LUZP2: variants seen among roughly 807,000 people sequenced by gnomAD.
LUZP2 encodes leucine zipper protein 2.
In LUZP2, 52 loss-of-function variants were observed where a neutral mutation model predicts 51.6. The ratio of observed to expected loss-of-function variants is 1.01; its 90% CI spans 0.81 to 1.27. The LOEUF (loss-of-function observed/expected upper bound fraction) is 1.27. Ranked by LOEUF, LUZP2 falls within the 50% of genes most tolerant of loss-of-function variation. The pLI is 0.00. For synonymous variants in LUZP2, 154 were observed against 137.3 expected (o/e 1.12, Z -0.85); for missense variants, 436 against 395.4 (o/e 1.10, Z -0.87).
intron 5 of LUZP2, among the ~76,000 whole-genome samples, chr11:24,854,815 T>C (rs1173392775): frequency 6.6e-6 from 1 of 152,016 alleles, no homozygotes; most frequent in Non-Finnish European, 1.5e-5. Context: ...GGGAAAAACA[T>C]AATATCTGGG....
chr11:24,899,654 T>C (rs1853213411), intron 5 of LUZP2, among the ~76,000 whole-genome samples: 1 of 152,100 alleles, frequency 6.6e-6, no homozygotes, highest in South Asian at 2.1e-4. Context: ...TTAGCGTGTC[T>C]CACATCAGAT....
intron 2 of LUZP2, among the ~76,000 whole-genome samples, chr11:24,729,838 T>A (rs12282365): frequency 0.017 from 2,592 of 152,066 alleles, 68 homozygotes; most frequent in African/African-American, 0.059. Context: ...ATATCCTGTA[T>A]GCTAAAAGCT....
intron 1 of LUZP2, among the ~76,000 whole-genome samples, chr11:24,501,826 G>T (rs1388599767): frequency 6.6e-6 from 1 of 152,110 alleles, no homozygotes; most frequent in Non-Finnish European, 1.5e-5. Context: ...ACAAAATTGG[G>T]TAAATAACAA....
intron 5 of LUZP2, among the ~76,000 whole-genome samples, chr11:24,890,538 T>C (rs1359203398): frequency 6.6e-6 from 1 of 152,188 alleles, no homozygotes; most frequent in African/African-American, 2.4e-5. Flanking sequence ...GCTTGATTTA[T>C]GAATAAGAAT....
chr11:24,677,240 A>C (rs1856588821), intron 1 of LUZP2, among the ~76,000 whole-genome samples: 1 of 152,176 alleles, frequency 6.6e-6, no homozygotes, highest in Admixed American at 6.5e-5. Context: ...TTCACTTATA[A>C]TCCATCAAAA....
At chr11:25,056,824 G>T (rs1858696761) in intron 10 of LUZP2, among the ~76,000 whole-genome samples, 1 of 152,114 alleles carries the variant, frequency 6.6e-6, no homozygotes, top group African/African-American at 2.4e-5. Context: ...GAAATTGCCG[G>T]GCGCCGTGGC....
intron 10 of LUZP2, among the ~76,000 whole-genome samples, chr11:25,070,605 T>G (rs570168094): frequency 6.6e-6 from 1 of 152,148 alleles, no homozygotes; most frequent in East Asian, 1.9e-4. Flanking sequence ...TCCTGCCTGT[T>G]AAAATATCCC....
At chr11:24,730,879 C>G (rs1391649069) in intron 2 of LUZP2, among the ~76,000 whole-genome samples, 3 of 151,682 alleles carry the variant, frequency 2.0e-5, no homozygotes, top group Middle Eastern at 6.3e-3. Flanking sequence ...CTTAAAATGC[C>G]TTTTGCTTAT....
chr11:24,653,200 T>G (rs773726263), intron 1 of LUZP2, among the ~76,000 whole-genome samples: 108 of 152,104 alleles, frequency 7.1e-4, no homozygotes, highest in Non-Finnish European at 1.4e-3. Context: ...ATAGATGATG[T>G]TGTCCTGGTC....
intron 1 of LUZP2, among the ~76,000 whole-genome samples, chr11:24,627,544 G>A (rs973104597): frequency 1.3e-5 from 2 of 152,148 alleles, no homozygotes; most frequent in Non-Finnish European, 2.9e-5. Flanking sequence ...TCCCAGGAAG[G>A]CCAAGAACAT....
chr11:24,775,440 T>C (rs1848887712), intron 5 of LUZP2, among the ~76,000 whole-genome samples: 1 of 152,198 alleles, frequency 6.6e-6, no homozygotes, highest in South Asian at 2.1e-4. Flanking sequence ...ATCCAATTGT[T>C]ACAGCCAAAG....
At chr11:25,009,880 C>T (rs1282158145) in intron 9 of LUZP2, among the ~76,000 whole-genome samples, 1 of 152,178 alleles carries the variant, frequency 6.6e-6, no homozygotes, top group African/African-American at 2.4e-5. Context: ...CATCCTCACC[C>T]ATGACCTTTC....
chr11:25,036,788 AT>A (rs1168547770), intron 9 of LUZP2, among the ~76,000 whole-genome samples: 2 of 151,762 alleles, frequency 1.3e-5, no homozygotes, highest in African/African-American at 2.4e-5. Context: ...CTTTGTATTG[AT>A]TTCTATTTTA....
intron 8 of LUZP2, 52 bp downstream of exon 8, chr11:24,976,717 A>C: frequency 1.1e-6 from 1 of 878,946 alleles, no homozygotes; most frequent in Non-Finnish European, 1.7e-6. Flanking sequence ...AAAAAAAAAA[A>C]AAAAAAAAAA....
chr11:25,030,946 AT>A (rs373030568), intron 9 of LUZP2, among the ~76,000 whole-genome samples: 3 of 2,462 alleles, frequency 1.2e-3, no homozygotes, highest in East Asian at 0.033. Flanking sequence ...TATTATATAT[AT>A]TATATATATA....
chr11:24,531,933 C>T (rs1466893297), intron 1 of LUZP2, among the ~76,000 whole-genome samples: 1 of 150,840 alleles, frequency 6.6e-6, no homozygotes, highest in African/African-American at 2.4e-5. Flanking sequence ...CCAAATCAGT[C>T]CAATACATAT....
intron 5 of LUZP2, among the ~76,000 whole-genome samples, chr11:24,777,962 A>T (rs1248892083): frequency 1.3e-5 from 2 of 152,136 alleles, no homozygotes; most frequent in African/African-American, 4.8e-5. Flanking sequence ...TTTCTGTAAT[A>T]TAGTAGGCAC....
At chr11:24,859,316 T>C (rs1851664692) in intron 5 of LUZP2, among the ~76,000 whole-genome samples, 1 of 152,174 alleles carries the variant, frequency 6.6e-6, no homozygotes, top group African/African-American at 2.4e-5. Flanking sequence ...CTCATCATTA[T>C]TTATGAAGCC....
chr11:24,724,519 C>T (rs1301351389), intron 1 of LUZP2, among the ~76,000 whole-genome samples: 1 of 151,986 alleles, frequency 6.6e-6, no homozygotes, highest in African/African-American at 2.4e-5. Context: ...TGCAGTAAGC[C>T]GAGATCATGC....
Sources: gnomAD v4.1 joint callset for allele counts (sites outside exome capture counted in the v4.1 genomes callset) on GRCh38, gnomAD v4.1.1 for gene constraint, MANE v1.5 for transcripts, NCBI Gene and HGNC (gene_info 2026-07-23, HGNC 2026-07-21) for gene names.